Variants in EIF2AK3 observed in about 807,000 individuals in gnomAD.
EIF2AK3 encodes eukaryotic translation initiation factor 2 alpha kinase 3, also known as eukaryotic translation initiation factor 2-alpha kinase 3.
Under a neutral mutation model 113.5 loss-of-function variants are expected in EIF2AK3, and 50 were observed. The ratio of observed to expected loss-of-function variants is 0.44; its 90% confidence interval spans 0.35 to 0.56. EIF2AK3 has a LOEUF of 0.56. Among genes scored for constraint, EIF2AK3 ranks in the 20% least tolerant of loss-of-function variants. The pLI is 0.00. For synonymous variants in EIF2AK3, 448 were observed against 495.4 expected (o/e 0.90, Z 1.27); for missense variants, 1,185 against 1,378.0 (o/e 0.86, Z 2.22).
chr2:88,590,978 C>A lies in EIF2AK3; in HGVS notation c.842G>T (p.Ser281Ile), dbSNP rs757517499. The change falls in exon 5 of 17, where the codon AGC becomes ATC. Residue 281 changes from serine to isoleucine, a missense_variant. By Grantham distance (142) the Ser-to-Ile change is moderately radical. Around this residue, in one of 3 missense-constraint regions of EIF2AK3, gnomAD observed 877 missense variants for 1,024.2 expected, o/e 0.86. Coordinates refer to ENST00000303236, the MANE Select transcript of EIF2AK3 (RefSeq NM_004836.7). ...TGTGTTCTCATTGGGCTTAAAGGTG[C>A]TTTCAATAAATCCGGCTCTCGTTTC... Reference protein sequence around the residue: ...DMETRAGFIESTFKPNENTEE... With the variant: ...DMETRAGFIEITFKPNENTEE... 5 of 1,614,120 alleles carry A rather than the reference C, an allele frequency of 3.1e-6. No individual in the cohort carries two copies. The highest frequency in any genetic ancestry group is 4.2e-6 in the Non-Finnish European group (5 of 1,179,996).
At chr2:88,606,959 GA>G (rs1220539386) in intron 2 of EIF2AK3, among the ~76,000 whole-genome samples, 2 of 151,584 alleles carry the variant, frequency 1.3e-5, no homozygotes, top group Admixed American at 6.6e-5. Flanking sequence ...TTCTTAAGAG[GA>G]AAAAAAGGGC....
chr2:88,566,557 G>C (rs986935918), intron 14 of EIF2AK3, among the ~76,000 whole-genome samples: 1 of 151,826 alleles, frequency 6.6e-6, no homozygotes, highest in Admixed American at 6.6e-5. Context: ...TGTGTAGGAC[G>C]TGCAGGTCTG....
At chr2:88,591,136 C>G (rs1674879710) in intron 4 of EIF2AK3, 84 bp from the exon 5 acceptor site, 2 of 1,224,930 alleles carry the variant, frequency 1.6e-6, no homozygotes, top group Non-Finnish European at 2.4e-6. Context: ...ATTGAAGAAG[C>G]AAATACTAAA....
rs1414056757 is a variant in EIF2AK3, at chr2:88,571,075, G to A, written c.2818-34C>T. ...AATACAACAGACAAAAGTACAGTGG[G>A]TGTGCATGGAGGCGAAAAAGTAAAG... On this transcript the variant is annotated intron_variant, in intron 13 of 16. Transcript: ENST00000303236. The A allele has an allele frequency of 2.5e-6, 4 of 1,612,050 alleles. No individual in the cohort carries two copies. In the East Asian group the frequency reaches 6.7e-5, roughly 27 times the overall value.
intron 2 of EIF2AK3, among the ~76,000 whole-genome samples, chr2:88,600,526 TTTTC>T (rs1238064620): frequency 2.0e-5 from 3 of 152,212 alleles, no homozygotes; most frequent in Non-Finnish European, 4.4e-5. Flanking sequence ...TTTGTATTTA[TTTTC>T]TTTATTGTTT....
intron 10 of EIF2AK3, among the ~76,000 whole-genome samples, chr2:88,582,724 T>C (rs544393102): frequency 6.6e-6 from 1 of 152,304 alleles, no homozygotes; most frequent in South Asian, 2.1e-4. Context: ...TTATCTATTA[T>C]TTTCAATCTT....
chr2:88,619,138 CA>C (rs1675658117), intron 1 of EIF2AK3, among the ~76,000 whole-genome samples: 1 of 151,978 alleles, frequency 6.6e-6, no homozygotes, highest in Non-Finnish European at 1.5e-5. Flanking sequence ...TACAGGTGCC[CA>C]CCACCATGCC....
intron 2 of EIF2AK3, among the ~76,000 whole-genome samples, chr2:88,596,539 A>G (rs1171168945): frequency 6.6e-6 from 1 of 152,194 alleles, no homozygotes; most frequent in African/African-American, 2.4e-5. Flanking sequence ...GATTATCAAT[A>G]AAGAGCTTAG....
chr2:88,566,402 C>G (rs1674127743), intron 14 of EIF2AK3, among the ~76,000 whole-genome samples: 1 of 152,208 alleles, frequency 6.6e-6, no homozygotes, highest in Middle Eastern at 3.2e-3. Flanking sequence ...ACCTCACCCT[C>G]CTGAGTAGCT....
intron 6 of EIF2AK3, among the ~76,000 whole-genome samples, chr2:88,589,543 G>C (rs1444166005): frequency 6.6e-6 from 1 of 151,566 alleles, no homozygotes; most frequent in East Asian, 1.9e-4. Context: ...TCTTAAAGAG[G>C]GGAGGGTCAC....
At chr2:88,614,226 C>T (rs936207171) in intron 1 of EIF2AK3, among the ~76,000 whole-genome samples, 2 of 152,160 alleles carry the variant, frequency 1.3e-5, no homozygotes, top group Non-Finnish European at 2.9e-5. Flanking sequence ...ACCGGGCTTT[C>T]CCTGAGGATA....
At position 88,575,228 on chromosome 2, in the gene EIF2AK3, C is replaced by T. The variant is rs376905155; in HGVS notation, c.2255G>A (p.Ser752Asn). 6 of 1,612,984 alleles carry T rather than the reference C, an allele frequency of 3.7e-6. No homozygotes were observed. The African/African-American group carries it at 4.0e-5, about 11-fold the overall frequency. The change falls in exon 13 of 17, where the codon AGT becomes AAT. Residue 752 changes from serine (S) to asparagine (N), a missense_variant. Ser to Asn is a conservative substitution (Grantham distance 46). This residue lies in a region of EIF2AK3 where 877 missense variants were observed against 1,024.2 expected (regional missense o/e 0.86). Transcript: ENST00000303236. ...GTTGTATGCTGCATCCACTGACTCA[C>T]TGATGTCCTCATGGTCCATTCCTGA... ...EFSGMDHEDI[S>N]ESVDAAYNLQ...
intron 1 of EIF2AK3, among the ~76,000 whole-genome samples, chr2:88,622,701 G>A (rs1246497554): frequency 6.6e-6 from 1 of 152,166 alleles, no homozygotes; most frequent in Non-Finnish European, 1.5e-5. Context: ...GTCTGGAGTT[G>A]GGTGAGTGAA....
At chr2:88,592,450 G>C (rs1175862454) in intron 4 of EIF2AK3, among the ~76,000 whole-genome samples, 1 of 152,094 alleles carries the variant, frequency 6.6e-6, no homozygotes, top group East Asian at 1.9e-4. Flanking sequence ...AAAGAACTTT[G>C]AATGATGAGA....
intron 2 of EIF2AK3, among the ~76,000 whole-genome samples, chr2:88,608,526 C>T (rs1675344219): frequency 6.6e-6 from 1 of 152,018 alleles, no homozygotes; most frequent in African/African-American, 2.4e-5. Flanking sequence ...TTCCCTACAC[C>T]AGCCTTTACA....
Position 88,586,166 on chromosome 2 carries a change from CCTTTT to C in EIF2AK3, c.1430-110_1430-106del, listed in dbSNP as rs1573401956. The C allele has an allele frequency of 4.5e-6, 4 of 881,828 alleles. 1 individual carries two copies. Among genetic ancestry groups the C allele is most frequent in the East Asian group, 2.6e-5 (1 of 38,630 alleles). The allele number at this position is 881,828 out of a possible 1,614,324, so 54.6% of individuals were successfully genotyped here. A position where few individuals can be genotyped will look rare whatever the true frequency, so the allele number is the denominator to read the frequency against. On this transcript the variant is annotated intron_variant, in intron 8 of 16. Transcript: ENST00000303236. ...TTTCCTGTGACTTATCACATTAATT[CCTTTT>C]AAGTTTTGTCTCTCTTCTTTAACGT... is the stretch of plus-strand genomic sequence containing the variant.
chr2:88,579,071 C>T (rs1490171323), intron 11 of EIF2AK3, among the ~76,000 whole-genome samples: 1 of 151,982 alleles, frequency 6.6e-6, no homozygotes, highest in Non-Finnish European at 1.5e-5. Context: ...CAAAACTGTA[C>T]AGTACTGGCA....
rs1211133830 is a variant in EIF2AK3 at position 88,565,044 on chromosome 2, T to G, written c.2986-2654A>C. 3.3e-5 allele frequency among the ~76,000 whole-genome samples: 5 copies of G among 151,830 alleles called. No individual in the cohort carries two copies. In the East Asian group the frequency reaches 9.6e-4, roughly 29 times the overall value. Reference sequence around the variant, plus strand: ...AAAACACAATTAAAAAGGTGTTTTTTTTTTTTTTTGAGACGGAGTTTCACT... The same window carrying G: ...AAAACACAATTAAAAAGGTGTTTTTGTTTTTTTTTGAGACGGAGTTTCACT... On this transcript the variant is annotated intron_variant, in intron 14 of 16. Coordinates refer to ENST00000303236, the MANE Select transcript of EIF2AK3 (RefSeq NM_004836.7).
At chr2:88,618,461 C>CA (rs913966675) in intron 1 of EIF2AK3, among the ~76,000 whole-genome samples, 2 of 152,160 alleles carry the variant, frequency 1.3e-5, no homozygotes, top group African/African-American at 4.8e-5. Context: ...TTTTCATAGG[C>CA]AAAATATGGT....
Sources: gnomAD v4.1 joint callset for allele counts (sites outside exome capture counted in the v4.1 genomes callset) on GRCh38, gnomAD v4.1.1 for gene constraint, gnomAD v4.1.1 regional missense constraint, MANE v1.5 for transcripts, NCBI Gene and HGNC (gene_info 2026-07-23, HGNC 2026-07-21) for gene names.